Variants in GLT1D1 observed in about 807,000 individuals in gnomAD.
GLT1D1 encodes the protein glycosyltransferase 1 domain containing 1, also known as glycosyltransferase 1 domain-containing protein 1.
In GLT1D1, 21 loss-of-function variants were observed where a neutral mutation model predicts 28.7. The ratio of observed to expected loss-of-function variants is 0.73; its 90% CI spans 0.52 to 1.05. The LOEUF is 1.05. Ranked by LOEUF, GLT1D1 falls within the 50% of genes least tolerant of loss-of-function variation. GLT1D1 has a pLI of 0.00. For missense variants in GLT1D1, 343 were observed against 330.6 expected, an observed-to-expected ratio of 1.04 and a Z score of -0.29; for synonymous variants, 147 against 124.8, an observed-to-expected ratio of 1.18 and a Z score of -1.19.
At chr12:128,970,272 G>A (rs560919179) in intron 7 of GLT1D1, among the ~76,000 whole-genome samples, 2 of 152,306 alleles carry the variant, frequency 1.3e-5, no homozygotes, top group Non-Finnish European at 2.9e-5. Flanking sequence ...TGCACAAGCA[G>A]CTGGGCACAC....
At chr12:128,966,127 G>A (rs1298482804) in intron 7 of GLT1D1, among the ~76,000 whole-genome samples, 1 of 152,212 alleles carries the variant, frequency 6.6e-6, no homozygotes, top group Non-Finnish European at 1.5e-5. Context: ...CTTTCCCCCT[G>A]CAACCACTGC....
intron 6 of GLT1D1, among the ~76,000 whole-genome samples, chr12:128,950,865 T>C (rs906780532): frequency 6.6e-6 from 1 of 152,064 alleles, no homozygotes; most frequent in Non-Finnish European, 1.5e-5. Flanking sequence ...AGTAGAATGG[T>C]GTGTAGCAGA....
intron 4 of GLT1D1, among the ~76,000 whole-genome samples, chr12:128,934,773 T>C (rs1473930010): frequency 6.6e-6 from 1 of 152,182 alleles, no homozygotes; most frequent in Non-Finnish European, 1.5e-5. Flanking sequence ...GAGGCCAGGA[T>C]GTCGCGTCAA....
intron 4 of GLT1D1, chr12:128,944,477 T>C: frequency 7.8e-7 from 1 of 1,284,412 alleles, no homozygotes; most frequent in Non-Finnish European, 1.1e-6. Flanking sequence ...TCACGCTGAA[T>C]GAGCGGCTCC....
intron 1 of GLT1D1, chr12:128,864,130 C>A: frequency 1.5e-6 from 1 of 675,784 alleles, no homozygotes. Context: ...TCGGCTGGGG[C>A]AGGAGAGTCT....
chr12:128,952,936 G>T (rs1407381693), intron 6 of GLT1D1, among the ~76,000 whole-genome samples: 1 of 151,848 alleles, frequency 6.6e-6, no homozygotes, highest in Non-Finnish European at 1.5e-5. Flanking sequence ...GCACCACCAT[G>T]CCCAGCTAAT....
At chr12:128,942,096 T>C (rs570545229) in intron 4 of GLT1D1, among the ~76,000 whole-genome samples, 10 of 151,798 alleles carry the variant, frequency 6.6e-5, no homozygotes, top group East Asian at 3.9e-4. Flanking sequence ...TTTTTTTTTT[T>C]CCACTGTTTT....
At chr12:128,922,197 C>G in intron 4 of GLT1D1, among the ~76,000 whole-genome samples, 1 of 149,094 alleles carries the variant, frequency 6.7e-6, no homozygotes, top group South Asian at 2.1e-4. Context: ...TGTGTGTATA[C>G]ACACCAGCTA....
chr12:128,952,773 CTTTTTTTTTTTT>C (rs71072430), intron 6 of GLT1D1, among the ~76,000 whole-genome samples: 653 of 58,948 alleles, frequency 0.011, 6 homozygotes, highest in South Asian at 0.029. Context: ...CCGTGACTGG[CTTTTTTTTTTTT>C]TTTTTTTTTT....
At chr12:128,897,902 T>C (rs1423771693) in intron 3 of GLT1D1, among the ~76,000 whole-genome samples, 1 of 152,036 alleles carries the variant, frequency 6.6e-6, no homozygotes, top group African/African-American at 2.4e-5. Context: ...CTCCTGACCT[T>C]GTGATCCGCC....
chr12:128,951,673 G>A (rs1204867567), intron 6 of GLT1D1, among the ~76,000 whole-genome samples: 1 of 152,148 alleles, frequency 6.6e-6, no homozygotes, highest in Non-Finnish European at 1.5e-5. Context: ...CTGAGGTCGA[G>A]CACACTCACC....
chr12:128,957,728 C>T (rs567935234), intron 7 of GLT1D1, 85 bp downstream of exon 11: 34 of 909,806 alleles, frequency 3.7e-5, no homozygotes, highest in East Asian at 8.1e-5. Flanking sequence ...TTTCTGTTAG[C>T]GCTTAGTATT....
At chr12:128,908,906 G>A (rs377374442) in intron 4 of GLT1D1, among the ~76,000 whole-genome samples, 71 of 152,142 alleles carry the variant, frequency 4.7e-4, no homozygotes, top group Non-Finnish European at 8.1e-4. Context: ...CCGAGATCGC[G>A]CCCCTGCACT....
intron 2 of GLT1D1, among the ~76,000 whole-genome samples, chr12:128,885,562 T>C (rs1294550588): frequency 1.3e-5 from 2 of 152,218 alleles, no homozygotes; most frequent in African/African-American, 4.8e-5. Context: ...ACATTGTTAT[T>C]TACTACAGTC....
intron 7 of GLT1D1, among the ~76,000 whole-genome samples, chr12:128,958,366 A>C (rs974158543): frequency 2.0e-5 from 3 of 152,110 alleles, no homozygotes; most frequent in African/African-American, 7.2e-5. Context: ...ACATGCGCTG[A>C]ATGAGTTGAT....
intron 4 of GLT1D1, among the ~76,000 whole-genome samples, chr12:128,932,274 G>A (rs564971581): frequency 6.6e-5 from 10 of 152,114 alleles, no homozygotes; most frequent in Non-Finnish European, 1.2e-4. Flanking sequence ...GCAAGTACGG[G>A]TCCCAGATGA....
chr12:128,902,770 G>A (rs470910), intron 4 of GLT1D1, among the ~76,000 whole-genome samples: 59,872 of 151,148 alleles, frequency 0.4, 12,505 homozygotes, highest in East Asian at 0.52. Context: ...ATTGCCAGGC[G>A]CAGTGGCTCA....
At chr12:128,943,321 A>G (rs1875581492) in intron 4 of GLT1D1, among the ~76,000 whole-genome samples, 2 of 150,572 alleles carry the variant, frequency 1.3e-5, no homozygotes, top group South Asian at 2.1e-4. Context: ...TGCTTACTTT[A>G]TTTACATAGT....
chr12:128,883,318 G>A (rs955953971), intron 2 of GLT1D1, among the ~76,000 whole-genome samples: 4 of 151,602 alleles, frequency 2.6e-5, no homozygotes, highest in Non-Finnish European at 4.4e-5. Flanking sequence ...AGGGCCGGGC[G>A]TAGTGGCTCA....
Sources: allele counts gnomAD v4.1 joint callset (sites outside exome capture counted in the v4.1 genomes callset), GRCh38; gene constraint gnomAD v4.1.1; transcripts MANE v1.5; gene names NCBI Gene and HGNC (gene_info 2026-07-23, HGNC 2026-07-21).